The following MARCHF1 variants were observed in gnomAD, a reference collection of about 807,000 sequenced individuals.
The protein encoded by MARCHF1 is E3 ubiquitin-protein ligase MARCHF1.
Under a neutral mutation model 54.2 loss-of-function variants are expected in MARCHF1, and 40 were observed. The ratio of observed to expected loss-of-function variants is 0.74; its 90% CI spans 0.57 to 0.96. The LOEUF is 0.96. Ranked by LOEUF, MARCHF1 falls within the 40% of genes least tolerant of loss-of-function variation. MARCHF1 has a pLI of 0.00. For synonymous variants in MARCHF1, 236 were observed against 236.3 expected, an observed-to-expected ratio of 1.00 and a Z score of 0.01; for missense variants, 586 against 656.5, an observed-to-expected ratio of 0.89 and a Z score of 1.17.
chr4:164,196,862 A>C, intron 1 of MARCHF1: 1 of 971,048 alleles, frequency 1.0e-6, no homozygotes, highest in Non-Finnish European at 1.6e-6. Context: ...TTCCCACAGC[A>C]ATGTTACAAT....
At chr4:163,545,541 C>T in intron 9 of MARCHF1, 55 bp downstream of exon 9, 1 of 1,562,092 alleles carries the variant, frequency 6.4e-7, no homozygotes, top group East Asian at 2.3e-5. Flanking sequence ...TCCCTATCCA[C>T]CTCTGAGTAT....
At chr4:164,189,402 C>G in intron 1 of MARCHF1, 1 of 674,750 alleles carries the variant, frequency 1.5e-6, no homozygotes, top group Non-Finnish European at 2.7e-6. Flanking sequence ...TGAGGCCTGT[C>G]CAGAAAGTGT....
At chr4:164,110,994 T>A (rs1340042787) in intron 2 of MARCHF1, among the ~76,000 whole-genome samples, 1 of 151,824 alleles carries the variant, frequency 6.6e-6, no homozygotes, top group Non-Finnish European at 1.5e-5. Context: ...CAATAGCCTT[T>A]GGTTGCTCTG....
chr4:164,016,713 TTAGA>T (rs1267536098), intron 2 of MARCHF1, among the ~76,000 whole-genome samples: 1 of 151,972 alleles, frequency 6.6e-6, no homozygotes, highest in Non-Finnish European at 1.5e-5. Context: ...AAAAATACAG[TTAGA>T]TAGAATGAAT....
chr4:164,233,148 T>C (rs573470412), intron 1 of MARCHF1, among the ~76,000 whole-genome samples: 2 of 152,266 alleles, frequency 1.3e-5, no homozygotes, highest in South Asian at 2.1e-4. Flanking sequence ...CCTATATGTG[T>C]TTGTTGAATA....
intron 8 of MARCHF1, among the ~76,000 whole-genome samples, chr4:163,572,298 G>C (rs945040428): frequency 3.5e-5 from 5 of 144,926 alleles, no homozygotes; most frequent in African/African-American, 1.3e-4. Context: ...AAATGCATTT[G>C]AATGTTAGGT....
intron 1 of MARCHF1, among the ~76,000 whole-genome samples, chr4:164,209,485 T>G (rs1731706351): frequency 6.6e-6 from 1 of 152,152 alleles, no homozygotes; most frequent in African/African-American, 2.4e-5. Flanking sequence ...GGAGATGGAT[T>G]GATTAGAAGC....
chr4:164,103,850 A>T (rs1430679554), intron 2 of MARCHF1, among the ~76,000 whole-genome samples: 1 of 141,334 alleles, frequency 7.1e-6, no homozygotes, highest in African/African-American at 2.9e-5. Context: ...AAGGATCAAC[A>T]AAATTGATAG....
chr4:164,190,929 A>C (rs1731107411), intron 1 of MARCHF1, among the ~76,000 whole-genome samples: 1 of 152,154 alleles, frequency 6.6e-6, no homozygotes, highest in Admixed American at 6.6e-5. Context: ...TAGTATCAAG[A>C]AGCAATTGTT....
chr4:163,743,722 G>T (rs2110743498), intron 4 of MARCHF1, among the ~76,000 whole-genome samples: 1 of 152,122 alleles, frequency 6.6e-6, no homozygotes, highest in Non-Finnish European at 1.5e-5. Context: ...GGGACTACAG[G>T]CGCCCGCCAC....
intron 2 of MARCHF1, among the ~76,000 whole-genome samples, chr4:164,063,810 A>G (rs1232877520): frequency 6.6e-6 from 1 of 152,118 alleles, no homozygotes; most frequent in Admixed American, 6.6e-5. Context: ...CATGTAGAAT[A>G]ACTGTCTTTT....
At chr4:163,770,496 T>G (rs1460569755) in intron 4 of MARCHF1, among the ~76,000 whole-genome samples, 1 of 151,568 alleles carries the variant, frequency 6.6e-6, no homozygotes, top group Admixed American at 6.6e-5. Context: ...GAAGCATAGT[T>G]GTTAGAATAC....
chr4:163,831,854 G>A (rs1215248925), intron 4 of MARCHF1, among the ~76,000 whole-genome samples: 2 of 152,160 alleles, frequency 1.3e-5, no homozygotes, highest in Admixed American at 6.6e-5. Flanking sequence ...AACCACTTAA[G>A]GGATTCATGA....
intron 1 of MARCHF1, among the ~76,000 whole-genome samples, chr4:164,134,429 ATACAT>A (rs1054726364): frequency 6.6e-6 from 1 of 152,206 alleles, no homozygotes; most frequent in Non-Finnish European, 1.5e-5. Context: ...TCCTTGAAGA[ATACAT>A]TACATTTTCT....
intron 8 of MARCHF1, among the ~76,000 whole-genome samples, chr4:163,561,169 A>G (rs1739454550): frequency 1.3e-5 from 2 of 152,180 alleles, no homozygotes; most frequent in Admixed American, 6.5e-5. Flanking sequence ...TTTGATGGCT[A>G]CATACATGAT....
intron 1 of MARCHF1, among the ~76,000 whole-genome samples, chr4:164,126,741 A>C (rs982221024): frequency 7.9e-5 from 12 of 152,152 alleles, no homozygotes; most frequent in African/African-American, 2.7e-4. Context: ...TGTGGATGGT[A>C]AATGCCATTC....
intron 2 of MARCHF1, among the ~76,000 whole-genome samples, chr4:164,093,723 G>T (rs1755351386): frequency 6.6e-6 from 1 of 152,072 alleles, no homozygotes; most frequent in South Asian, 2.1e-4. Context: ...GCATCCTGGT[G>T]GTCCCTTCAG....
At chr4:163,845,460 T>TATAC (rs1749456886) in intron 4 of MARCHF1, among the ~76,000 whole-genome samples, 2 of 137,528 alleles carry the variant, frequency 1.5e-5, no homozygotes, top group South Asian at 5.1e-4. Flanking sequence ...GCACCTCAGT[T>TATAC]ACACACACAC....
At chr4:164,240,684 C>T (rs1224530209) in intron 1 of MARCHF1, among the ~76,000 whole-genome samples, 1 of 152,052 alleles carries the variant, frequency 6.6e-6, no homozygotes, top group Non-Finnish European at 1.5e-5. Flanking sequence ...TTGCTTCTAA[C>T]CTCACAAGCT....
Sources: allele counts gnomAD v4.1 joint callset (sites outside exome capture counted in the v4.1 genomes callset), GRCh38; gene constraint gnomAD v4.1.1; transcripts MANE v1.5; gene names NCBI Gene and HGNC (gene_info 2026-07-23, HGNC 2026-07-21).